Variants in IFT88 observed in about 807,000 individuals in gnomAD.
The protein encoded by IFT88 is intraflagellar transport protein 88 homolog.
Under a neutral mutation model 119.5 loss-of-function variants are expected in IFT88, and 74 were observed. The ratio of observed to expected loss-of-function variants is 0.62; its 90% confidence interval spans 0.51 to 0.75. The LOEUF is 0.75. Among genes scored for constraint, IFT88 ranks in the 30% least tolerant of loss-of-function variants. IFT88 has a pLI of 0.00. For synonymous variants in IFT88, 279 were observed against 316.7 expected, an observed-to-expected ratio of 0.88 and a Z score of 1.26; for missense variants, 961 against 977.7, an observed-to-expected ratio of 0.98 and a Z score of 0.23.
Position 20,615,858 on chromosome 13 carries a change from C to T in IFT88, c.1178C>T (p.Ser393Phe). The T allele has an allele frequency of 6.2e-7, 1 of 1,606,254 alleles. No individual in the cohort carries two copies. The change falls in exon 14 of 26, where the codon TCT (serine) becomes TTT (phenylalanine). Residue 393 changes from serine to phenylalanine, a missense_variant. Coordinates refer to ENST00000351808, the MANE Select transcript of IFT88 (RefSeq NM_006531.5). The part of the protein sequence containing the change: ...AKLIAPVIET[S>F]FAAGYDWCVE... Reference sequence around the variant, plus strand: ...CTCATTGCTCCTGTAATTGAAACATCTTTTGCTGCAGGTTATGATTGGTAA... The same window carrying T: ...CTCATTGCTCCTGTAATTGAAACATTTTTTGCTGCAGGTTATGATTGGTAA...
chr13:20,651,066 G>A (rs1009186372), intron 20 of IFT88, among the ~76,000 whole-genome samples: 2 of 152,014 alleles, frequency 1.3e-5, no homozygotes, highest in Non-Finnish European at 2.9e-5. Flanking sequence ...ACACTGTTTC[G>A]ATTATTGTAG....
intron 24 of IFT88, among the ~76,000 whole-genome samples, chr13:20,676,389 T>A (rs975085313): frequency 6.6e-6 from 1 of 152,230 alleles, no homozygotes; most frequent in Non-Finnish European, 1.5e-5. Context: ...GAGAAACTCC[T>A]GATAAGGGCA....
chr13:20,607,536 T>C, intron 13 of IFT88: 1 of 707,422 alleles, frequency 1.4e-6, no homozygotes. Context: ...GCTGTGCTTC[T>C]TGTTTCAGAA....
chr13:20,591,258 G>A (rs1447324689), intron 5 of IFT88, among the ~76,000 whole-genome samples: 1 of 152,138 alleles, frequency 6.6e-6, no homozygotes, highest in Admixed American at 6.5e-5. Flanking sequence ...TGTGGACATA[G>A]AACTGATAAT....
chr13:20,670,304 G>C (rs961686280), intron 23 of IFT88, among the ~76,000 whole-genome samples: 1 of 152,102 alleles, frequency 6.6e-6, no homozygotes, highest in African/African-American at 2.4e-5. Flanking sequence ...AGTGTGACTT[G>C]AGGCAGATTC....
At chr13:20,661,535 C>T (rs1257687634) in intron 22 of IFT88, among the ~76,000 whole-genome samples, 1 of 152,090 alleles carries the variant, frequency 6.6e-6, no homozygotes, top group Non-Finnish European at 1.5e-5. Context: ...GAGTTCAAGA[C>T]CAGCCTGACC....
intron 23 of IFT88, 107 bp downstream of exon 23, chr13:20,663,711 A>AAAAATTTCAACTCTG: frequency 1.3e-6 from 1 of 780,982 alleles, no homozygotes; most frequent in Non-Finnish European, 2.0e-6. Flanking sequence ...CAGAGTTGAA[A>AAAAATTTCAACTCTG]TTTTTTTCTG....
chr13:20,659,574 C>G (rs535121865), intron 22 of IFT88, among the ~76,000 whole-genome samples: 1 of 151,842 alleles, frequency 6.6e-6, no homozygotes, highest in African/African-American at 2.4e-5. Flanking sequence ...AATGTATATG[C>G]AAATGCAATT....
rs770130451 is a variant in IFT88 at position 20,638,374 on chromosome 13, G to T, written c.1429G>T (p.Val477Leu). 1.4e-6 allele frequency: 2 copies of T among 1,468,666 alleles called. No homozygotes were observed. The highest frequency in any genetic ancestry group is 2.5e-5 in the Admixed American group (1 of 39,216). The allele number at this position is 1,468,666 out of a possible 1,614,324, so 91.0% of individuals were successfully genotyped here. Reference sequence around the variant, plus strand: ...AGCCAGCAGCTATGCAGATATAGCTGTGAACTCTGATAGATATAATCCAGC... The same window carrying T: ...AGCCAGCAGCTATGCAGATATAGCTTTGAACTCTGATAGATATAATCCAGC... The part of the protein sequence containing the change: ...AQASSYADIA[V>L]NSDRYNPAAL... Residue 477 changes from valine to leucine, a missense_variant, in exon 17 of 26, where the codon GTG (valine) becomes TTG (leucine). Transcript: ENST00000351808.
intron 20 of IFT88, among the ~76,000 whole-genome samples, chr13:20,651,491 C>A (rs2051688470): frequency 6.7e-6 from 1 of 149,282 alleles, no homozygotes; most frequent in Non-Finnish European, 1.5e-5. Flanking sequence ...TCAAAAGTAG[C>A]CTCAGCATTA....
chr13:20,602,694 C>A (rs1030368923), intron 12 of IFT88, among the ~76,000 whole-genome samples: 9 of 152,010 alleles, frequency 5.9e-5, no homozygotes, highest in African/African-American at 2.2e-4. Context: ...ACCAGCCTGA[C>A]CAACAGGGCG....
At chr13:20,690,303 A>G (rs539178029) in intron 24 of IFT88, among the ~76,000 whole-genome samples, 7 of 152,286 alleles carry the variant, frequency 4.6e-5, no homozygotes, top group African/African-American at 1.7e-4. Context: ...TACTACTAAC[A>G]TTTCCTACTA....
At chr13:20,682,379 C>A (rs533839374) in intron 24 of IFT88, among the ~76,000 whole-genome samples, 1 of 152,366 alleles carries the variant, frequency 6.6e-6, no homozygotes, top group East Asian at 1.9e-4. Context: ...TCTGCCTCAG[C>A]TTCCTTTGTT....
At chr13:20,591,171 C>T in intron 5 of IFT88, 151 bp downstream of exon 5, 1 of 629,458 alleles carries the variant, frequency 1.6e-6, no homozygotes. Context: ...GGGCTAAAGT[C>T]TACACTGTTG....
At chr13:20,591,514 A>T in intron 5 of IFT88, 104 bp from the exon 6 acceptor site, 1 of 735,880 alleles carries the variant, frequency 1.4e-6, no homozygotes, top group Non-Finnish European at 2.2e-6. Flanking sequence ...ATTGAAAATC[A>T]GCATTTTTTT....
At chr13:20,684,680 G>A (rs1455103890) in intron 24 of IFT88, among the ~76,000 whole-genome samples, 6 of 152,160 alleles carry the variant, frequency 3.9e-5, no homozygotes, top group African/African-American at 1.4e-4. Flanking sequence ...AAGTCAGCTG[G>A]TGCTAACCTT....
At chr13:20,574,127 G>T (rs1362422954) in intron 1 of IFT88, among the ~76,000 whole-genome samples, 2 of 152,156 alleles carry the variant, frequency 1.3e-5, no homozygotes, top group Non-Finnish European at 2.9e-5. Context: ...AAGAAATTGA[G>T]TCCAGCCTGG....
At chr13:20,646,124 G>C (rs991764327) in intron 20 of IFT88, among the ~76,000 whole-genome samples, 3 of 152,054 alleles carry the variant, frequency 2.0e-5, no homozygotes, top group African/African-American at 7.2e-5. Context: ...TTGATTAACA[G>C]TCAGTCCCTT....
intron 20 of IFT88, among the ~76,000 whole-genome samples, chr13:20,650,679 G>T (rs777105826): frequency 2.0e-5 from 3 of 152,060 alleles, no homozygotes; most frequent in Non-Finnish European, 4.4e-5. Context: ...AATTAACCCT[G>T]TTCACAGATG....
Sources: gnomAD v4.1 joint callset for allele counts (sites outside exome capture counted in the v4.1 genomes callset) on GRCh38, gnomAD v4.1.1 for gene constraint, MANE v1.5 for transcripts, NCBI Gene and HGNC (gene_info 2026-07-23, HGNC 2026-07-21) for gene names.